TNR: variants seen among roughly 807,000 people sequenced by gnomAD.
TNR encodes the protein tenascin-R.
Under a neutral mutation model 150.4 loss-of-function variants are expected in TNR, and 45 were observed. That is an observed-to-expected ratio of 0.30 (90% CI 0.24 to 0.38). The LOEUF is 0.38. Among genes scored for constraint, TNR ranks in the 10% least tolerant of loss-of-function variants. The pLI is 1.00. For missense variants in TNR, 1,544 were observed against 1,759.1 expected (o/e 0.88, Z 2.19); for synonymous variants, 687 against 678.4 (o/e 1.01, Z -0.20).
At position 175,743,589 on chromosome 1, in the gene TNR, C is replaced by T. The variant is rs1175910535; in HGVS notation, c.-528G>A. Reference sequence around the variant, plus strand: ...GCCTTAGCACAGTCGGTTCCTGCCTCTGACGTGAAAGAGAGGAGGAAGCCT... The same window carrying T: ...GCCTTAGCACAGTCGGTTCCTGCCTTTGACGTGAAAGAGAGGAGGAAGCCT... On this transcript the variant is annotated 5_prime_UTR_variant, in exon 1 of 23. Transcript: ENST00000367674. 1 of 151,964 alleles carries T rather than the reference C, an allele frequency of 6.6e-6. No individual in the cohort carries two copies. Among genetic ancestry groups the T allele is most frequent in the Non-Finnish European group, 1.5e-5 (1 of 68,092 alleles). 9.4% of individuals were successfully genotyped at this position (151,964 alleles called of 1,614,324 possible). A position where few individuals can be genotyped will look rare whatever the true frequency, so the allele number is the denominator to read the frequency against.
At chr1:175,646,956 T>C (rs2101885496) in intron 1 of TNR, among the ~76,000 whole-genome samples, 1 of 152,340 alleles carries the variant, frequency 6.6e-6, no homozygotes, top group African/African-American at 2.4e-5. Context: ...GGTTAGTGGC[T>C]GAGCCAGGAG....
chr1:175,420,328 A>C (rs1459182543), intron 2 of TNR, among the ~76,000 whole-genome samples: 2 of 152,216 alleles, frequency 1.3e-5, no homozygotes, highest in Non-Finnish European at 2.9e-5. Context: ...TTTAAAACTT[A>C]CTTTCCTCTG....
At chr1:175,339,303 C>T (rs1047672653) in intron 18 of TNR, among the ~76,000 whole-genome samples, 1 of 152,178 alleles carries the variant, frequency 6.6e-6, no homozygotes, top group Non-Finnish European at 1.5e-5. Flanking sequence ...ATTTATCTTA[C>T]AAGCAAAAAA....
chr1:175,368,380 T>C (rs1651934347), intron 9 of TNR, among the ~76,000 whole-genome samples: 1 of 152,214 alleles, frequency 6.6e-6, no homozygotes, highest in Non-Finnish European at 1.5e-5. Flanking sequence ...ATCAAATCTG[T>C]TTTCTCTGTC....
At chr1:175,342,662 G>A (rs1349919706) in intron 18 of TNR, among the ~76,000 whole-genome samples, 1 of 152,232 alleles carries the variant, frequency 6.6e-6, no homozygotes, top group Non-Finnish European at 1.5e-5. Context: ...AGTGACAATA[G>A]CCTTTAAGGA....
intron 1 of TNR, among the ~76,000 whole-genome samples, chr1:175,541,895 C>T (rs943717135): frequency 2.6e-5 from 4 of 152,142 alleles, no homozygotes; most frequent in Admixed American, 6.5e-5. Context: ...AAATTGCCAA[C>T]GTTTGACCAC....
At chr1:175,368,874 G>T (rs1459925452) in intron 9 of TNR, among the ~76,000 whole-genome samples, 1 of 152,126 alleles carries the variant, frequency 6.6e-6, no homozygotes, top group Non-Finnish European at 1.5e-5. Flanking sequence ...GCTTGAACCT[G>T]GGAGGCTGAG....
Position 175,363,705 on chromosome 1 carries a change from T to C in TNR, c.2707+3A>G. The C allele has an allele frequency of 6.2e-7, 1 of 1,611,986 alleles. No homozygotes were observed. Among genetic ancestry groups the C allele is most frequent in the Non-Finnish European group, 8.5e-7 (1 of 1,179,186 alleles). On this transcript the variant is annotated splice_donor_region_variant and intron_variant, in intron 13 of 22. Transcript: ENST00000367674. The stretch of plus-strand genomic sequence containing the variant: ...TCTTTGAGAAATCAAATCACTTTGT[T>C]ACCTTGGGTGGGTCGATATGATACT...
At chr1:175,386,498 C>T (rs1652939688) in intron 7 of TNR, among the ~76,000 whole-genome samples, 197 bp from the exon 8 acceptor site, 1 of 152,068 alleles carries the variant, frequency 6.6e-6, no homozygotes, top group South Asian at 2.1e-4. Context: ...GCCTTGATTC[C>T]CCTGAATTTT....
In TNR at chr1:175,330,185, C is replaced by G; in HGVS notation, c.3682G>C (p.Val1228Leu). The G allele has an allele frequency of 6.2e-7, 1 of 1,612,994 alleles. No homozygotes were observed. Among genetic ancestry groups the G allele is most frequent in the Non-Finnish European group, 8.5e-7 (1 of 1,179,074 alleles). Residue 1228 changes from valine (V) to leucine (L), a missense_variant, in exon 21 of 23, where the codon GTG becomes CTG. Transcript: ENST00000367674. ...GCCTCTTGGCCATCCCGCATGTCCA[C>G]GCGCAGCTCATAGCGGCCCTGGGAT... ...ITSQGRYELR[V>L]DMRDGQEAAF...
chr1:175,427,888 C>CCCTT lies in TNR; in HGVS notation c.-63-21112_-63-21111insAAGG, dbSNP rs765901559. Among the ~76,000 whole-genome samples the CCCTT allele has an allele frequency of 1.9e-3, 122 of 63,440 alleles. 1 individual carries two copies. Among genetic ancestry groups the CCCTT allele is most frequent in the African/African-American group, 8.5e-3 (113 of 13,294 alleles). 41.6% of individuals were successfully genotyped at this position (63,440 alleles called of 152,430 possible). A position where few individuals can be genotyped will look rare whatever the true frequency, so the allele number is the denominator to read the frequency against. ...TTCCTTCCTTCTTCCCTCCCTTCTT[C>CCCTT]GCTTCCTTCCTTCCTTCCTTCCTTC... On this transcript the variant is annotated intron_variant, in intron 2 of 22. Transcript: ENST00000367674.
At chr1:175,384,431 C>G (rs1008142341) in intron 8 of TNR, among the ~76,000 whole-genome samples, 1 of 152,246 alleles carries the variant, frequency 6.6e-6, no homozygotes, top group Non-Finnish European at 1.5e-5. Context: ...CACTGGGCAC[C>G]CCCTGGGTGA....
chr1:175,579,124 C>T (rs1227676485), intron 1 of TNR, among the ~76,000 whole-genome samples: 1 of 151,668 alleles, frequency 6.6e-6, no homozygotes, highest in Non-Finnish European at 1.5e-5. Flanking sequence ...CCCTCTCTCC[C>T]TCCCTCCCTC....
intron 1 of TNR, among the ~76,000 whole-genome samples, chr1:175,637,073 C>G (rs561935337): frequency 1.1e-4 from 16 of 152,324 alleles, no homozygotes; most frequent in African/African-American, 3.8e-4. Flanking sequence ...CTTGCAATAT[C>G]AGCCAGTTAG....
At chr1:175,534,637 A>G (rs1395333814) in intron 1 of TNR, among the ~76,000 whole-genome samples, 3 of 152,216 alleles carry the variant, frequency 2.0e-5, no homozygotes, top group Non-Finnish European at 2.9e-5. Context: ...CAAGACATTC[A>G]TCAGGTCTAA....
intron 2 of TNR, among the ~76,000 whole-genome samples, chr1:175,472,254 G>A (rs530738079): frequency 3.1e-4 from 47 of 152,212 alleles, no homozygotes; most frequent in African/African-American, 1.1e-3. Flanking sequence ...AAGGTCTTCA[G>A]GAGCAATAAC....
chr1:175,340,269 G>A (rs746302255), intron 18 of TNR, among the ~76,000 whole-genome samples: 15 of 152,130 alleles, frequency 9.9e-5, no homozygotes, highest in African/African-American at 1.4e-4. Context: ...ATGATGCATC[G>A]TTGCTGGGTG....
At chr1:175,642,761 A>G (rs1338586132) in intron 1 of TNR, among the ~76,000 whole-genome samples, 2 of 152,122 alleles carry the variant, frequency 1.3e-5, no homozygotes, top group African/African-American at 4.8e-5. Flanking sequence ...GTGAGACCCC[A>G]TCTTTACAAA....
At chr1:175,650,692 T>TC (rs1481789013) in intron 1 of TNR, among the ~76,000 whole-genome samples, 1 of 103,918 alleles carries the variant, frequency 9.6e-6, no homozygotes, top group Non-Finnish European at 2.1e-5. Context: ...TTACTACCTT[T>TC]CCCTACCCCA....
Sources: gnomAD v4.1 joint callset for allele counts (sites outside exome capture counted in the v4.1 genomes callset) on GRCh38, gnomAD v4.1.1 for gene constraint, MANE v1.5 for transcripts, NCBI Gene and HGNC (gene_info 2026-07-23, HGNC 2026-07-21) for gene names.